Variants in SLIT2 observed in about 807,000 individuals in gnomAD.
SLIT2 encodes slit homolog 2 protein.
Under a neutral mutation model 185.7 loss-of-function variants are expected in SLIT2, and 41 were observed. The observed-to-expected ratio is 0.22, with a 90% CI of 0.17 to 0.29. The LOEUF (loss-of-function observed/expected upper bound fraction) is 0.29. Among genes scored for constraint, SLIT2 ranks in the 10% least tolerant of loss-of-function variants. The pLI is 1.00. For missense variants in SLIT2, 1,571 were observed against 1,909.0 expected (o/e 0.82, Z 3.30); for synonymous variants, 693 against 680.2 (o/e 1.02, Z -0.29).
At chr4:20,479,659 A>T (rs978534084) in intron 5 of SLIT2, among the ~76,000 whole-genome samples, 10 of 152,140 alleles carry the variant, frequency 6.6e-5, no homozygotes, top group Admixed American at 1.3e-4. Context: ...TACAGATACA[A>T]TATAGTACTT....
chr4:20,613,708 CA>C (rs1209248494), intron 34 of SLIT2, among the ~76,000 whole-genome samples: 7 of 151,882 alleles, frequency 4.6e-5, no homozygotes, highest in African/African-American at 1.5e-4. Context: ...AGTTAAAAAA[CA>C]AAACAAAAAA....
At chr4:20,360,657 TA>T (rs1056376305) in intron 4 of SLIT2, among the ~76,000 whole-genome samples, 3 of 152,122 alleles carry the variant, frequency 2.0e-5, no homozygotes, top group South Asian at 2.1e-4. Context: ...GTAAATTACA[TA>T]AAAAATATAT....
chr4:20,466,000 G>C (rs1027262485), intron 4 of SLIT2, among the ~76,000 whole-genome samples: 5 of 150,510 alleles, frequency 3.3e-5, no homozygotes, highest in African/African-American at 1.2e-4. Flanking sequence ...AAAATTATAA[G>C]CGATTAGAAA....
chr4:20,502,620 C>T (rs1484725802), intron 9 of SLIT2, among the ~76,000 whole-genome samples: 1 of 152,112 alleles, frequency 6.6e-6, no homozygotes, highest in Non-Finnish European at 1.5e-5. Context: ...AGGTAGAGAA[C>T]TTGAGGGCTT....
chr4:20,455,680 T>A (rs1216005754), intron 4 of SLIT2, among the ~76,000 whole-genome samples: 2 of 151,944 alleles, frequency 1.3e-5, no homozygotes, highest in Admixed American at 6.6e-5. Context: ...AGTACACAGC[T>A]TTTTTGGGGG....
At chr4:20,472,371 T>G (rs1280567798) in intron 5 of SLIT2, among the ~76,000 whole-genome samples, 6 of 27,804 alleles carry the variant, frequency 2.2e-4, no homozygotes, top group Admixed American at 6.5e-4. Context: ...TATAGATATC[T>G]ATATCTATAT....
At chr4:20,604,281 C>G (rs1183206375) in intron 33 of SLIT2, among the ~76,000 whole-genome samples, 2 of 152,190 alleles carry the variant, frequency 1.3e-5, no homozygotes, top group Non-Finnish European at 2.9e-5. Context: ...TTTAAAAGTA[C>G]TGATTAAAAT....
At chr4:20,274,795 G>A (rs1241111499) in intron 4 of SLIT2, among the ~76,000 whole-genome samples, 3 of 151,034 alleles carry the variant, frequency 2.0e-5, no homozygotes, top group Non-Finnish European at 4.4e-5. Context: ...TTTCACAAGT[G>A]CAAATGTTTC....
chr4:20,589,825 C>A (rs1489976787), intron 30 of SLIT2, 88 bp downstream of exon 30: 1 of 823,206 alleles, frequency 1.2e-6, no homozygotes, highest in Non-Finnish European at 2.1e-6. Flanking sequence ...CTTAGCTTCA[C>A]ACCTCTGCTC....
chr4:20,551,401 A>T (rs896802942), intron 25 of SLIT2, among the ~76,000 whole-genome samples: 1 of 152,216 alleles, frequency 6.6e-6, no homozygotes, highest in Non-Finnish European at 1.5e-5. Flanking sequence ...AAATACTTAG[A>T]TTGGGTGAAA....
intron 7 of SLIT2, among the ~76,000 whole-genome samples, chr4:20,488,267 T>G (rs1717440811): frequency 6.6e-6 from 1 of 152,170 alleles, no homozygotes; most frequent in South Asian, 2.1e-4. Flanking sequence ...TTTCTGTGAT[T>G]AAACAACAAA....
In SLIT2 at chr4:20,371,239, A is replaced by G. The variant is rs557991597; in HGVS notation, c.396-96513A>G. ...CACATTCTCACAGTCACACATGCAC[A>G]TGTTCTCACACAGTCACTCATACAC... On this transcript the variant is annotated intron_variant, in intron 4 of 36. Coordinates refer to ENST00000504154, the MANE Select transcript of SLIT2 (RefSeq NM_004787.4). 5.7e-4 allele frequency among the ~76,000 whole-genome samples: 87 copies of G among 152,088 alleles called. No homozygotes were observed. In the South Asian group the frequency reaches 0.015, roughly 25 times the overall value.
intron 4 of SLIT2, among the ~76,000 whole-genome samples, chr4:20,374,168 A>G (rs750150457): frequency 3.9e-5 from 6 of 152,140 alleles, no homozygotes; most frequent in Non-Finnish European, 7.4e-5. Flanking sequence ...GGTACAGGGA[A>G]AATTATATGC....
chr4:20,307,815 G>A (rs35547264), intron 4 of SLIT2, among the ~76,000 whole-genome samples: 51,602 of 151,932 alleles, frequency 0.34, 9,073 homozygotes, highest in Middle Eastern at 0.43. Flanking sequence ...AATCTCACAG[G>A]CAGTAACTTG....
intron 9 of SLIT2, among the ~76,000 whole-genome samples, chr4:20,507,933 T>C (rs911316736): frequency 2.6e-5 from 4 of 152,002 alleles, no homozygotes; most frequent in African/African-American, 9.7e-5. Context: ...TGTATTTTTA[T>C]TGATTACATT....
chr4:20,491,851 A>G lies in SLIT2; in HGVS notation c.866A>G (p.Lys289Arg). ...CSNNIVDCRG[K>R]GLTEIPTNLP... ...AACAATATCGTAGACTGTCGTGGGAAAGGTCTCACTGAGATCCCCACAAAT... is the reference window on the plus strand; with the variant it reads ...AACAATATCGTAGACTGTCGTGGGAGAGGTCTCACTGAGATCCCCACAAAT... The change falls in exon 9 of 37, where the codon AAA becomes AGA. Residue 289 changes from lysine to arginine, a missense_variant. Physicochemically the swap from Lys to Arg is conservative, Grantham distance 26. Transcript: ENST00000504154. 6.2e-7 allele frequency: 1 copy of G among 1,613,928 alleles called. No homozygotes were observed. The highest frequency in any genetic ancestry group is 8.5e-7 in the Non-Finnish European group (1 of 1,179,898).
At chr4:20,315,832 T>A (rs1718527486) in intron 4 of SLIT2, among the ~76,000 whole-genome samples, 1 of 152,066 alleles carries the variant, frequency 6.6e-6, no homozygotes, top group Non-Finnish European at 1.5e-5. Context: ...CCATGGGCTT[T>A]TAATACATAC....
intron 4 of SLIT2, among the ~76,000 whole-genome samples, chr4:20,408,309 G>A (rs565277629): frequency 2.0e-5 from 3 of 152,178 alleles, no homozygotes; most frequent in Non-Finnish European, 4.4e-5. Flanking sequence ...ATATAAAAAT[G>A]TAGTTATTCC....
chr4:20,493,210 A>C (rs2148799727), intron 9 of SLIT2, among the ~76,000 whole-genome samples: 1 of 152,294 alleles, frequency 6.6e-6, no homozygotes, highest in East Asian at 1.9e-4. Context: ...CCTAATTAGA[A>C]TAACAGGATA....
Sources: allele counts gnomAD v4.1 joint callset (sites outside exome capture counted in the v4.1 genomes callset), GRCh38; gene constraint gnomAD v4.1.1; transcripts MANE v1.5; gene names NCBI Gene and HGNC (gene_info 2026-07-23, HGNC 2026-07-21).